The following CFAP61 variants were observed in gnomAD, a reference collection of about 807,000 sequenced individuals.
CFAP61 encodes cilia- and flagella-associated protein 61.
Under a neutral mutation model 135.6 loss-of-function variants are expected in CFAP61, and 107 were observed. The ratio of observed to expected loss-of-function variants is 0.79; its 90% confidence interval spans 0.67 to 0.93. The LOEUF is 0.93. CFAP61 is among the 40% of genes least tolerant of loss of function. The pLI, the probability that CFAP61 is intolerant of heterozygous loss-of-function variation, is 0.00. For synonymous variants in CFAP61, 575 were observed against 578.5 expected (o/e 0.99, Z 0.09); for missense variants, 1,507 against 1,556.2 (o/e 0.97, Z 0.53).
intron 26 of CFAP61, among the ~76,000 whole-genome samples, chr20:20,344,555 A>G (rs1457839183): frequency 6.6e-6 from 1 of 152,234 alleles, no homozygotes; most frequent in African/African-American, 2.4e-5. Context: ...GTGAAACATC[A>G]TCTCACCCCA....
chr20:20,219,060 C>G (rs2048224253), intron 17 of CFAP61, among the ~76,000 whole-genome samples: 1 of 152,174 alleles, frequency 6.6e-6, no homozygotes. Flanking sequence ...ATATTCAAAT[C>G]CCATTAAGCC....
intron 13 of CFAP61, among the ~76,000 whole-genome samples, chr20:20,183,109 G>T (rs1188943937): frequency 2.0e-5 from 3 of 152,048 alleles, no homozygotes; most frequent in Non-Finnish European, 4.4e-5. Flanking sequence ...CCAAAAAAAG[G>T]TCACATGTGG....
chr20:20,091,639 A>G (rs1018701215), intron 7 of CFAP61, among the ~76,000 whole-genome samples: 9 of 152,252 alleles, frequency 5.9e-5, no homozygotes, highest in African/African-American at 2.2e-4. Context: ...CTGCAATACA[A>G]TGATCAAAGC....
chr20:20,176,215 G>A (rs576124805), intron 13 of CFAP61, among the ~76,000 whole-genome samples: 30 of 152,220 alleles, frequency 2.0e-4, no homozygotes, highest in African/African-American at 4.8e-4. Context: ...AGATGCTGGC[G>A]AGACTATGGA....
At position 20,323,065 on chromosome 20, in the gene CFAP61, G is replaced by A. The variant is rs368329271; in HGVS notation, c.3423-18766G>A. 7.1e-5 allele frequency: 70 copies of A among 985,438 alleles called. No homozygotes were observed. In the East Asian group the frequency reaches 6.2e-3, roughly 88 times the overall value. The allele number at this position is 985,438 out of a possible 1,614,324, so 61.0% of individuals were successfully genotyped here. A position where few individuals can be genotyped will look rare whatever the true frequency, so the allele number is the denominator to read the frequency against. On this transcript the variant is annotated intron_variant, in intron 25 of 26. Coordinates refer to ENST00000245957, the MANE Select transcript of CFAP61 (RefSeq NM_015585.4). ...TTTGTGATCACTGTTCTTAGACAAA[G>A]CACTGCTGCCCTGGGGCCTAGCCCC... is the stretch of plus-strand genomic sequence containing the variant.
intron 8 of CFAP61, among the ~76,000 whole-genome samples, chr20:20,105,995 C>G (rs1229012357): frequency 1.9e-5 from 2 of 107,020 alleles, no homozygotes; most frequent in Non-Finnish European, 3.7e-5. Flanking sequence ...TTTAGCTACT[C>G]TTGCCTATAT....
chr20:20,056,979 G>T (rs141035232), intron 2 of CFAP61, among the ~76,000 whole-genome samples, 183 bp downstream of exon 2: 3 of 152,162 alleles, frequency 2.0e-5, no homozygotes, highest in African/African-American at 7.2e-5. Context: ...TCAGCTGGGC[G>T]TGGTGGCGCA....
At chr20:20,172,106 G>T in intron 13 of CFAP61, 1 of 747,456 alleles carries the variant, frequency 1.3e-6, no homozygotes, top group Non-Finnish European at 1.7e-6. Context: ...AAACTCAGTT[G>T]ATTCCTTAAT....
intron 18 of CFAP61, among the ~76,000 whole-genome samples, chr20:20,239,570 A>G (rs1490948046): frequency 6.6e-6 from 1 of 152,204 alleles, no homozygotes; most frequent in East Asian, 1.9e-4. Context: ...TTTACAGACA[A>G]TGATGCATTT....
chr20:20,179,057 G>A (rs1035041331), intron 13 of CFAP61, among the ~76,000 whole-genome samples: 2 of 152,046 alleles, frequency 1.3e-5, no homozygotes, highest in Non-Finnish European at 2.9e-5. Flanking sequence ...GACATAAAGG[G>A]CATCCAGATA....
intron 21 of CFAP61, among the ~76,000 whole-genome samples, chr20:20,272,355 G>T (rs998470566): frequency 4.6e-5 from 7 of 152,208 alleles, no homozygotes; most frequent in Admixed American, 1.3e-4. Flanking sequence ...CATGCCAGGA[G>T]GCAGAAGTTG....
chr20:20,225,574 C>G (rs1266756837), intron 17 of CFAP61: 1 of 152,162 alleles, frequency 6.6e-6, no homozygotes, highest in Non-Finnish European at 1.5e-5. Flanking sequence ...GATAGAGGAG[C>G]TGTTTCATAA....
intron 10 of CFAP61, 38 bp from the exon 11 acceptor site, chr20:20,164,012 C>G (rs1173992452): frequency 6.5e-7 from 1 of 1,544,584 alleles, no homozygotes; most frequent in Non-Finnish European, 8.8e-7. Flanking sequence ...AGGGCATTGA[C>G]AGGATTCTCA....
chr20:20,337,308 G>A lies in CFAP61; in HGVS notation c.3423-4523G>A, dbSNP rs13042838. On this transcript the variant is annotated intron_variant, in intron 25 of 26. Transcript: ENST00000245957. Reference sequence around the variant, plus strand: ...TGGATGGATAGATGGATGGATGGATGGATGGATGGATGGATGGATGGATGG... The same window carrying A: ...TGGATGGATAGATGGATGGATGGATAGATGGATGGATGGATGGATGGATGG... Among the ~76,000 whole-genome samples the A allele has an allele frequency of 0.012, 292 of 24,374 alleles. 37 individuals carry two copies. In the Middle Eastern group the frequency reaches 0.14, roughly 11 times the overall value. The allele number at this position is 24,374 out of a possible 152,430, so 16.0% of individuals were successfully genotyped here.
In CFAP61 at chr20:20,315,947, A is replaced by G. The variant is rs186102064; in HGVS notation, c.3422+17561A>G. 1.5e-4 allele frequency among the ~76,000 whole-genome samples: 23 copies of G among 152,226 alleles called. No individual in the cohort carries two copies. The East Asian group carries it at 4.1e-3, about 27-fold the overall frequency. On this transcript the variant is annotated intron_variant, in intron 25 of 26. Coordinates refer to ENST00000245957, the MANE Select transcript of CFAP61 (RefSeq NM_015585.4). ...GCTGTTTTGGTTACTGTAGCCTTGTAGTATAGTTTGAAGTCAGGTAGTGTG... is the reference window on the plus strand; with the variant it reads ...GCTGTTTTGGTTACTGTAGCCTTGTGGTATAGTTTGAAGTCAGGTAGTGTG...
rs369813635 is a variant in CFAP61 at position 20,324,952 on chromosome 20, T to C, written c.3423-16879T>C. Among the ~76,000 whole-genome samples, 57 of 152,392 alleles carry C rather than the reference T, an allele frequency of 3.7e-4. No individual in the cohort carries two copies. The East Asian group carries it at 7.1e-3, about 19-fold the overall frequency. ...ATTTAAAGACTAGTAATCCTTATTA[T>C]GTACATTGCAAATATTTTACAGCCT... On this transcript the variant is annotated intron_variant, in intron 25 of 26. Coordinates refer to ENST00000245957, the MANE Select transcript of CFAP61 (RefSeq NM_015585.4).
At chr20:20,316,560 G>C (rs2057149203) in intron 25 of CFAP61, among the ~76,000 whole-genome samples, 2 of 151,150 alleles carry the variant, frequency 1.3e-5, no homozygotes, top group South Asian at 4.2e-4. Flanking sequence ...GCCCTGGCCA[G>C]AACTTCCAAC....
chr20:20,212,153 C>T (rs2047692435), intron 17 of CFAP61, among the ~76,000 whole-genome samples: 1 of 152,164 alleles, frequency 6.6e-6, no homozygotes, highest in African/African-American at 2.4e-5. Flanking sequence ...CCCTTTCAGA[C>T]CATGTGACTT....
At chr20:20,086,856 T>C (rs2046843997) in intron 6 of CFAP61, among the ~76,000 whole-genome samples, 1 of 152,120 alleles carries the variant, frequency 6.6e-6, no homozygotes, top group Admixed American at 6.5e-5. Context: ...GATCCCATCA[T>C]TGGGTTCCTG....
Sources: gnomAD v4.1 joint callset for allele counts (sites outside exome capture counted in the v4.1 genomes callset) on GRCh38, gnomAD v4.1.1 for gene constraint, MANE v1.5 for transcripts, NCBI Gene and HGNC (gene_info 2026-07-23, HGNC 2026-07-21) for gene names.